Variants in TTLL13 observed in about 807,000 individuals in gnomAD.
TTLL13 encodes tubulin tyrosine ligase like 13.
the TTLL13 span, among the ~76,000 whole-genome samples, chr15:90,253,696 G>C: frequency 5.3e-5 from 8 of 152,194 alleles, no homozygotes; most frequent in Non-Finnish European, 1.2e-4. Context: ...AGAGCTAACA[G>C]CAGGGCCAGT....
the TTLL13 span, among the ~76,000 whole-genome samples, chr15:90,251,152 C>A: frequency 8.5e-6 from 1 of 117,774 alleles, no homozygotes; most frequent in Non-Finnish European, 1.6e-5. Context: ...CTCGCTCTGT[C>A]GCCCAGGCTG....
chr15:90,251,280 A>ATTTTTTTTTTTTTTTTTT, the TTLL13 span, among the ~76,000 whole-genome samples: 10 of 109,496 alleles, frequency 9.1e-5, no homozygotes, highest in South Asian at 3.4e-4. Context: ...CGCATGGCAA[A>ATTTTTTTTTTTTTTTTTT]TTTTTTTTTT....
At chr15:90,263,020 G>A in the TTLL13 span, 1 of 1,536,100 alleles carries the variant, frequency 6.5e-7, no homozygotes, top group Non-Finnish European at 8.7e-7. Context: ...GGAAGAGGAG[G>A]AGCTGGAGCG....
the TTLL13 span, chr15:90,251,737 G>A: frequency 2.5e-6 from 2 of 788,864 alleles, no homozygotes; most frequent in Non-Finnish European, 4.3e-6. Flanking sequence ...GAGCTTCCTA[G>A]GTGTCCTCTG....
the TTLL13 span, among the ~76,000 whole-genome samples, chr15:90,251,953 C>T: frequency 2.0e-5 from 3 of 152,078 alleles, no homozygotes; most frequent in African/African-American, 7.2e-5. Flanking sequence ...TAGCTTAATG[C>T]AGCCTTGAAC....
the TTLL13 span, chr15:90,258,618 C>T: frequency 1.2e-6 from 1 of 809,800 alleles, no homozygotes; most frequent in Non-Finnish European, 2.0e-6. Context: ...GAAGCCAGAG[C>T]ATCCAGCCTC....
chr15:90,257,919 C>CTGCT, the TTLL13 span: 2 of 1,046,646 alleles, frequency 1.9e-6, no homozygotes, highest in African/African-American at 3.2e-5. Context: ...CTGCTCCAAA[C>CTGCT]TGCTAGCAGC....
the TTLL13 span, chr15:90,262,651 C>G: frequency 6.7e-7 from 1 of 1,495,846 alleles, no homozygotes; most frequent in African/African-American, 1.4e-5. Flanking sequence ...CTTACAGGAA[C>G]CGCAACTGGG....
At chr15:90,256,558 TTTCTTTCTTTC>T in the TTLL13 span, among the ~76,000 whole-genome samples, 1 of 36,830 alleles carries the variant, frequency 2.7e-5, no homozygotes, top group African/African-American at 1.3e-4. Flanking sequence ...TCTTTCTTTC[TTTCTTTCTTTC>T]TTTCTTTCTT....
chr15:90,254,035 T>A, the TTLL13 span, among the ~76,000 whole-genome samples: 1 of 152,034 alleles, frequency 6.6e-6, no homozygotes, highest in African/African-American at 2.4e-5. Flanking sequence ...GGAGGTTGGG[T>A]GTGGTGGCTC....
At chr15:90,253,498 C>G in the TTLL13 span, 1 of 523,346 alleles carries the variant, frequency 1.9e-6, no homozygotes, top group Non-Finnish European at 3.4e-6. Flanking sequence ...AAGACCACCC[C>G]CAGGGTCTTC....
At chr15:90,257,172 G>A in the TTLL13 span, 4 of 1,613,672 alleles carry the variant, frequency 2.5e-6, no homozygotes, top group East Asian at 4.5e-5. Context: ...TTTGATATGC[G>A]AGTCTACGTC....
At chr15:90,262,205 C>CA in the TTLL13 span, 1 of 1,521,844 alleles carries the variant, frequency 6.6e-7, no homozygotes, top group African/African-American at 1.4e-5. Context: ...CTTTGACCGA[C>CA]ATTCTCCTCT....
chr15:90,258,384 C>T, the TTLL13 span: 2 of 910,260 alleles, frequency 2.2e-6, no homozygotes, highest in Admixed American at 1.9e-5. Flanking sequence ...ATGTGAAAGC[C>T]CTGGGGTGGG....
the TTLL13 span, among the ~76,000 whole-genome samples, chr15:90,252,043 C>CTTTTTTTTTTTTTTTTTT: frequency 1.5e-5 from 2 of 133,472 alleles, no homozygotes; most frequent in African/African-American, 2.7e-5. Context: ...TCACCTAATT[C>CTTTTTTTTTTTTTTTTTT]TTTTTTTTTT....
At chr15:90,261,864 G>A in the TTLL13 span, 10 of 613,768 alleles carry the variant, frequency 1.6e-5, no homozygotes, top group Non-Finnish European at 2.7e-5. Context: ...CCAAAGATGG[G>A]CTTGGCAGCT....
At chr15:90,264,568 A>G in the TTLL13 span, among the ~76,000 whole-genome samples, 1 of 152,182 alleles carries the variant, frequency 6.6e-6, no homozygotes, top group African/African-American at 2.4e-5. Flanking sequence ...AAAAAGACAT[A>G]CCATACCAAT....
chr15:90,262,405 C>T, the TTLL13 span: 1 of 1,341,942 alleles, frequency 7.5e-7, no homozygotes, highest in Non-Finnish European at 9.8e-7. Flanking sequence ...ATTGTAATTT[C>T]CTGCTCTTTC....
At chr15:90,256,581 CTTTCTTTCTTTCTTTCTTTCTTTCT>C in the TTLL13 span, among the ~76,000 whole-genome samples, 1,104 of 35,672 alleles carry the variant, frequency 0.031, 25 homozygotes, top group South Asian at 0.098. Context: ...TTCTTTCTTT[CTTTCTTTCTTTCTTTCTTTCTTTCT>C]TTCCTTCCTT....
Sources: gnomAD v4.1 joint callset for allele counts (sites outside exome capture counted in the v4.1 genomes callset) on GRCh38, gnomAD v4.1.1 for gene constraint, MANE v1.5 for transcripts, NCBI Gene and HGNC (gene_info 2026-07-23, HGNC 2026-07-21) for gene names.